The following FAM78A variants were observed in gnomAD, a reference collection of about 807,000 sequenced individuals.
The protein encoded by FAM78A is protein FAM78A.
In FAM78A, 12 loss-of-function variants were observed where a neutral mutation model predicts 22.6. The observed-to-expected ratio is 0.53, with a 90% CI of 0.34 to 0.86. FAM78A has a LOEUF of 0.86. FAM78A is among the 40% of genes least tolerant of loss of function. The probability of loss-of-function intolerance (pLI) is 0.02; values close to 1 mark genes in which losing one functional copy is unlikely to be tolerated. For synonymous variants in FAM78A, 151 were observed against 155.8 expected (o/e 0.97, Z 0.23); for missense variants, 322 against 396.1 (o/e 0.81, Z 1.59).
At position 131,267,058 on chromosome 9, in the gene FAM78A, G is replaced by C. The variant is rs183386432; in HGVS notation, c.324-5708C>G. Among the ~76,000 whole-genome samples the C allele has an allele frequency of 1.8e-3, 281 of 152,292 alleles. 1 individual carries two copies. The highest frequency in any genetic ancestry group is 6.6e-3 in the African/African-American group (275 of 41,564). ...CCAGGCACCACACCTCCCTGGGGCC[G>C]GGGCTGTGGGGAGCATTTAACAGAG... On this transcript the variant is annotated intron_variant, in intron 1 of 1. Coordinates refer to ENST00000372271, the MANE Select transcript of FAM78A (RefSeq NM_033387.4).
chr9:131,280,015 C>A (rs1835526844), upstream of FAM78A, among the ~76,000 whole-genome samples: 1 of 152,212 alleles, frequency 6.6e-6, no homozygotes, highest in Admixed American at 6.5e-5. Context: ...GTGTGGGCGC[C>A]CACATGGTGA....
At chr9:131,262,335 G>T (rs1835283144) in intron 1 of FAM78A, among the ~76,000 whole-genome samples, 1 of 151,454 alleles carries the variant, frequency 6.6e-6, no homozygotes, top group South Asian at 2.1e-4. Flanking sequence ...AAAATTAGCG[G>T]GGTACGGTAG....
At chr9:131,271,775 C>T (rs1258844169) in intron 1 of FAM78A, among the ~76,000 whole-genome samples, 1 of 152,224 alleles carries the variant, frequency 6.6e-6, no homozygotes, top group Admixed American at 6.5e-5. Flanking sequence ...CGTGGAACTT[C>T]TCCCACACAG....
chr9:131,264,349 C>T (rs953374870), intron 1 of FAM78A: 17 of 517,488 alleles, frequency 3.3e-5, no homozygotes, highest in Non-Finnish European at 4.8e-5. Context: ...GACAGCACTG[C>T]GTCACGCGGG....
chr9:131,269,811 C>G (rs151270693), intron 1 of FAM78A, among the ~76,000 whole-genome samples: 6 of 152,042 alleles, frequency 3.9e-5, no homozygotes, highest in African/African-American at 1.4e-4. Flanking sequence ...CTCCCCTTCG[C>G]GTGATCATTA....
At chr9:131,280,883 G>A (rs1835538057), upstream of FAM78A, among the ~76,000 whole-genome samples, 1 of 152,188 alleles carries the variant, frequency 6.6e-6, no homozygotes, top group Non-Finnish European at 1.5e-5. Context: ...AGGGATCAGG[G>A]GTTGACCCGA....
At chr9:131,270,575 C>G in intron 1 of FAM78A, 1 of 711,858 alleles carries the variant, frequency 1.4e-6, no homozygotes, top group South Asian at 1.5e-5. Flanking sequence ...CCCCTACTTC[C>G]TCCCACCCCA....
At chr9:131,278,880 C>G (rs1241611349), upstream of FAM78A, among the ~76,000 whole-genome samples, 1 of 152,270 alleles carries the variant, frequency 6.6e-6, no homozygotes, top group Non-Finnish European at 1.5e-5. Flanking sequence ...GCAGGTGCTT[C>G]CAGCCAGTCC....
chr9:131,264,657 G>A (rs1211385442), intron 1 of FAM78A: 5 of 716,612 alleles, frequency 7.0e-6, no homozygotes, highest in Non-Finnish European at 1.3e-5. Context: ...AGTTAGAAGT[G>A]TGCCTCTCCC....
chr9:131,266,961 A>C (rs1835353618), intron 1 of FAM78A, among the ~76,000 whole-genome samples: 1 of 152,210 alleles, frequency 6.6e-6, no homozygotes, highest in Non-Finnish European at 1.5e-5. Context: ...TGCAGCTGCA[A>C]AAGCCTCTTG....
chr9:131,263,279 A>AT (rs1037087848), intron 1 of FAM78A, among the ~76,000 whole-genome samples: 13 of 150,866 alleles, frequency 8.6e-5, no homozygotes, highest in African/African-American at 2.9e-4. Flanking sequence ...TTCTGAAGAT[A>AT]GATGGTGGTG....
chr9:131,259,718 G>A lies in FAM78A; in HGVS notation c.*1104C>T, dbSNP rs1264698735. ...AAGTCTTAAAATGCCCTGCAAGAAG[G>A]GACGTGAATGCCTTCCTTACCTTTG... On this transcript the variant is annotated 3_prime_UTR_variant, in exon 2 of 2. Transcript: ENST00000372271. 2 of 152,672 alleles carry A rather than the reference G, an allele frequency of 1.3e-5. No individual in the cohort carries two copies. Among genetic ancestry groups the A allele is most frequent in the Non-Finnish European group, 2.9e-5 (2 of 68,206 alleles). The allele number at this position is 152,672 out of a possible 1,614,324, so 9.5% of individuals were successfully genotyped here.
rs1406395500 is a variant in FAM78A at position 131,260,787 on chromosome 9, A to G, written c.*35T>C. On this transcript the variant is annotated 3_prime_UTR_variant, in exon 2 of 2. Transcript: ENST00000372271. This position sits in a 1 kb window ranked among gnomAD's most constrained non-coding sequence, Gnocchi z 5.4. ...GAGTTTTGTTTTCAGCGGTATTATT[A>G]TTTGTGAGTCTAACCTAGCGGGTGG... The G allele has an allele frequency of 2.0e-6, 3 of 1,506,936 alleles. No homozygotes were observed. Among genetic ancestry groups the G allele is most frequent in the Non-Finnish European group, 2.7e-6 (3 of 1,130,480 alleles). The allele number at this position is 1,506,936 out of a possible 1,614,324, so 93.3% of individuals were successfully genotyped here.
chr9:131,267,574 A>G (rs1415382224), intron 1 of FAM78A, among the ~76,000 whole-genome samples: 1 of 152,224 alleles, frequency 6.6e-6, no homozygotes, highest in African/African-American at 2.4e-5. Flanking sequence ...ACAACTTTGA[A>G]ATAACAGGTT....
intron 1 of FAM78A, among the ~76,000 whole-genome samples, chr9:131,269,680 T>G (rs1346996630): frequency 6.6e-6 from 1 of 152,100 alleles, no homozygotes; most frequent in Non-Finnish European, 1.5e-5. Flanking sequence ...TTTCGCCATG[T>G]TGGCCAGGCT....
Position 131,264,746 on chromosome 9 carries a change from C to G in FAM78A, c.324-3396G>C, listed in dbSNP as rs1835322643. 4.9e-6 allele frequency: 3 copies of G among 615,758 alleles called. No homozygotes were observed. In the African/African-American group the frequency reaches 5.7e-5, roughly 12 times the overall value. 38.1% of individuals were successfully genotyped at this position (615,758 alleles called of 1,614,324 possible). A position where few individuals can be genotyped will look rare whatever the true frequency, so the allele number is the denominator to read the frequency against. On this transcript the variant is annotated intron_variant, in intron 1 of 1. Transcript: ENST00000372271. ...CTGACCTTTTTTTTTTTTTTTGAGA[C>G]AGAGTCTCACTCTGTCACTCAGGCT...
intron 1 of FAM78A, among the ~76,000 whole-genome samples, chr9:131,271,896 G>C (rs906489351): frequency 6.6e-6 from 1 of 151,896 alleles, no homozygotes; most frequent in Admixed American, 6.6e-5. Context: ...AATTTGGATG[G>C]GGGGGGTTGG....
chr9:131,279,947 G>A (rs1026462703), upstream of FAM78A, among the ~76,000 whole-genome samples: 2 of 152,156 alleles, frequency 1.3e-5, no homozygotes, highest in Non-Finnish European at 2.9e-5. Flanking sequence ...TGCTAGCCAG[G>A]GCCAGCCCCT....
chr9:131,276,690 C>T (rs1835488479), upstream of FAM78A: 1 of 152,094 alleles, frequency 6.6e-6, no homozygotes, highest in African/African-American at 2.4e-5. The surrounding 1 kb of genome is among the most constrained non-coding windows in gnomAD (Gnocchi z 4.3). Flanking sequence ...TTGTGTTCAC[C>T]CGGCCGAGGT....
Sources: gnomAD v4.1 joint callset for allele counts (sites outside exome capture counted in the v4.1 genomes callset) on GRCh38, gnomAD v4.1.1 for gene constraint, Gnocchi (gnomAD v3.1) non-coding constraint, MANE v1.5 for transcripts, NCBI Gene and HGNC (gene_info 2026-07-23, HGNC 2026-07-21) for gene names.